Variants in CA10 observed in about 807,000 individuals in gnomAD.
CA10 encodes the protein carbonic anhydrase-related protein 10.
A neutral mutation model predicts 44.2 loss-of-function variants in CA10; 14 were observed. That is an observed-to-expected ratio of 0.32 (90% CI 0.21 to 0.50). The LOEUF is 0.50. Ranked by LOEUF, CA10 falls within the 20% of genes least tolerant of loss-of-function variation. The probability of loss-of-function intolerance (pLI) is 0.99; values close to 1 mark genes in which losing one functional copy is unlikely to be tolerated. For missense variants in CA10, 350 were observed against 409.7 expected (o/e 0.85, Z 1.26); for synonymous variants, 159 against 141.6 (o/e 1.12, Z -0.87).
chr17:51,769,250 A>G (rs1172227611), intron 3 of CA10, among the ~76,000 whole-genome samples: 1 of 152,290 alleles, frequency 6.6e-6, no homozygotes, highest in African/African-American at 2.4e-5. Flanking sequence ...AGTTTTTGCC[A>G]CTACTGGGCA....
chr17:51,952,604 C>T (rs1983527567), intron 2 of CA10, among the ~76,000 whole-genome samples: 1 of 151,806 alleles, frequency 6.6e-6, no homozygotes, highest in Non-Finnish European at 1.5e-5. Flanking sequence ...TGGGGGAGCA[C>T]AATTTAACCA....
Position 52,088,935 on chromosome 17 carries a change from AT to A in CA10, c.62-16543del, listed in dbSNP as rs566840275. The stretch of plus-strand genomic sequence containing the variant: ...AAAATACACTATAGATTATATACAA[AT>A]CTGTCAATAAAATGCTTTCATCATG... On this transcript the variant is annotated intron_variant, in intron 1 of 8. Transcript: ENST00000451037. Among the ~76,000 whole-genome samples, 79 of 152,302 alleles carry A rather than the reference AT, an allele frequency of 5.2e-4. 2 individuals are homozygous for A. The South Asian group carries it at 0.016, about 31-fold the overall frequency.
At chr17:51,906,186 T>C (rs1401209037) in intron 3 of CA10, among the ~76,000 whole-genome samples, 1 of 152,150 alleles carries the variant, frequency 6.6e-6, no homozygotes, top group East Asian at 1.9e-4. Flanking sequence ...CCCCATTTTG[T>C]GCTCCCTTTT....
At chr17:52,140,688 T>C (rs1989459332) in intron 1 of CA10, among the ~76,000 whole-genome samples, 1 of 152,118 alleles carries the variant, frequency 6.6e-6, no homozygotes, top group Non-Finnish European at 1.5e-5. Context: ...GAAATCTGCT[T>C]TAGGGACTTA....
chr17:51,688,394 C>T (rs1567803671), intron 4 of CA10, among the ~76,000 whole-genome samples: 2 of 152,136 alleles, frequency 1.3e-5, no homozygotes, highest in Non-Finnish European at 2.9e-5. Flanking sequence ...TAATAACATT[C>T]CAAAAATCTG....
chr17:52,104,028 G>A (rs552201712), intron 1 of CA10, among the ~76,000 whole-genome samples: 11 of 152,268 alleles, frequency 7.2e-5, no homozygotes, highest in Middle Eastern at 3.4e-3. Context: ...TTCCATTTGC[G>A]ATCCATAAAA....
intron 6 of CA10, among the ~76,000 whole-genome samples, chr17:51,641,470 G>A (rs1278680608): frequency 6.6e-6 from 1 of 152,188 alleles, no homozygotes; most frequent in Non-Finnish European, 1.5e-5. Flanking sequence ...TTATATGAGA[G>A]TGTTGTAATT....
intron 2 of CA10, among the ~76,000 whole-genome samples, chr17:52,059,722 T>A (rs1987329997): frequency 6.6e-6 from 1 of 151,786 alleles, no homozygotes; most frequent in Non-Finnish European, 1.5e-5. Flanking sequence ...ATGGCTGAAA[T>A]ATGACCTTAC....
chr17:51,878,080 G>A (rs530854746), intron 3 of CA10, among the ~76,000 whole-genome samples: 19 of 141,416 alleles, frequency 1.3e-4, no homozygotes, highest in Admixed American at 9.9e-4. Context: ...GAAGGCGGAG[G>A]TTACAGTGAG....
At chr17:52,053,274 A>G (rs1287128123) in intron 2 of CA10, among the ~76,000 whole-genome samples, 1 of 152,098 alleles carries the variant, frequency 6.6e-6, no homozygotes, top group Non-Finnish European at 1.5e-5. Flanking sequence ...ACTGCAGAGG[A>G]AATCATACCA....
At chr17:51,667,129 G>A (rs550911985) in intron 4 of CA10, among the ~76,000 whole-genome samples, 1 of 152,202 alleles carries the variant, frequency 6.6e-6, no homozygotes, top group African/African-American at 2.4e-5. Context: ...AGGACAATGA[G>A]ATCTGTTTTA....
At chr17:51,930,191 C>T (rs990269306) in intron 3 of CA10, among the ~76,000 whole-genome samples, 1 of 150,066 alleles carries the variant, frequency 6.7e-6, no homozygotes, top group African/African-American at 2.5e-5. Flanking sequence ...ATAATTTTAA[C>T]CTCAATTTTT....
intron 4 of CA10, among the ~76,000 whole-genome samples, chr17:51,737,164 C>G (rs920419466): frequency 6.6e-6 from 1 of 152,184 alleles, no homozygotes; most frequent in African/African-American, 2.4e-5. Context: ...CCTGGGTTCT[C>G]TTCCCTGGAC....
At chr17:52,077,087 A>G (rs147573698) in intron 1 of CA10, among the ~76,000 whole-genome samples, 3 of 152,244 alleles carry the variant, frequency 2.0e-5, no homozygotes, top group Non-Finnish European at 4.4e-5. Flanking sequence ...TCACTGTGGC[A>G]GTTTGAGAAC....
intron 4 of CA10, among the ~76,000 whole-genome samples, chr17:51,714,416 AG>A (rs1268048621): frequency 1.3e-5 from 2 of 152,200 alleles, no homozygotes; most frequent in Non-Finnish European, 2.9e-5. Flanking sequence ...GTGAGATTTA[AG>A]GCAGTGTATA....
chr17:51,857,552 T>A (rs939757788), intron 3 of CA10, among the ~76,000 whole-genome samples: 1 of 152,198 alleles, frequency 6.6e-6, no homozygotes, highest in Non-Finnish European at 1.5e-5. Flanking sequence ...CAGATAATGA[T>A]GCTGGCCCAA....
chr17:52,012,866 A>G (rs1985844906), intron 2 of CA10, among the ~76,000 whole-genome samples: 1 of 152,010 alleles, frequency 6.6e-6, no homozygotes, highest in Non-Finnish European at 1.5e-5. Flanking sequence ...GGTGGCTGTT[A>G]GCATTTTTTT....
chr17:51,697,949 C>T (rs1249698018), intron 4 of CA10, among the ~76,000 whole-genome samples: 1 of 152,230 alleles, frequency 6.6e-6, no homozygotes, highest in Non-Finnish European at 1.5e-5. Context: ...GACTACTACC[C>T]TGATGTCTCC....
chr17:51,663,528 T>G (rs555897320), intron 4 of CA10, among the ~76,000 whole-genome samples: 12 of 54 alleles, frequency 0.22, no homozygotes, highest in East Asian at 0.5. Flanking sequence ...GTCCTGGGTC[T>G]TCTGGTCTTC....
Sources: allele counts gnomAD v4.1 joint callset (sites outside exome capture counted in the v4.1 genomes callset), GRCh38; gene constraint gnomAD v4.1.1; transcripts MANE v1.5; gene names NCBI Gene and HGNC (gene_info 2026-07-23, HGNC 2026-07-21).